Variants in KLF8 observed in about 807,000 individuals in gnomAD.
The protein encoded by KLF8 is KLF transcription factor 8.
KLF8 carries 10 observed loss-of-function variants against 18.2 expected under a neutral mutation model. That is an observed-to-expected ratio of 0.55 (90% CI 0.34 to 0.93). The LOEUF is 0.93. Among genes scored for constraint, KLF8 ranks in the 40% least tolerant of loss-of-function variants. The pLI, the probability that KLF8 is intolerant of heterozygous loss-of-function variation, is 0.02. For synonymous variants in KLF8, 109 were observed against 97.3 expected (o/e 1.12, Z -0.71); for missense variants, 264 against 277.9 (o/e 0.95, Z 0.36).
the KLF8 span, among the ~76,000 whole-genome samples, chrX:56,000,853 A>C: frequency 3.6e-5 from 4 of 111,495 alleles, no homozygotes; most frequent in Non-Finnish European, 7.5e-5. Context: ...AAAAAAAGAC[A>C]TTGTTTCCTT....
At chrX:56,182,024 G>T in the KLF8 span, among the ~76,000 whole-genome samples, 1 of 111,714 alleles carries the variant, frequency 9.0e-6, no homozygotes, top group Non-Finnish European at 1.9e-5. Context: ...CTAGGTTGAG[G>T]AAGTTCTCCT....
the KLF8 span, among the ~76,000 whole-genome samples, chrX:56,128,342 T>G: frequency 8.9e-6 from 1 of 111,823 alleles, no homozygotes; most frequent in African/African-American, 3.3e-5. Context: ...TCAGTTTATC[T>G]TCTACTTTAG....
chrX:56,005,150 C>A, the KLF8 span, among the ~76,000 whole-genome samples: 6 of 110,126 alleles, frequency 5.4e-5, no homozygotes, highest in Non-Finnish European at 1.1e-4. Flanking sequence ...TCAAGCAATT[C>A]TCCTGCCTCA....
the KLF8 span, among the ~76,000 whole-genome samples, chrX:56,075,760 C>G: frequency 5.4e-5 from 6 of 111,642 alleles, no homozygotes; most frequent in African/African-American, 2.0e-4. Context: ...TAAGTGAGAA[C>G]ATGTGATGTT....
chrX:56,257,848 G>A (rs1020847741), intron 2 of KLF8, among the ~76,000 whole-genome samples: 14 of 112,448 alleles, frequency 1.2e-4, no homozygotes, highest in Non-Finnish European at 1.7e-4. Context: ...TTGGTAGAAT[G>A]ATTTATTTTC....
intron 5 of KLF8, among the ~76,000 whole-genome samples, chrX:56,275,776 G>T (rs1176870803): frequency 8.9e-6 from 1 of 112,486 alleles, no homozygotes; most frequent in African/African-American, 3.2e-5. Context: ...CTTTCATTCT[G>T]TTGATATGAT....
At chrX:56,220,130 A>G in the KLF8 span, among the ~76,000 whole-genome samples, 1 of 112,559 alleles carries the variant, frequency 8.9e-6, no homozygotes, top group African/African-American at 3.2e-5. Context: ...TACAAAATGT[A>G]CTTCCTGTGG....
chrX:56,050,114 T>A, the KLF8 span, among the ~76,000 whole-genome samples: 3 of 110,092 alleles, frequency 2.7e-5, no homozygotes, highest in Non-Finnish European at 5.7e-5. Context: ...GGTGGTGATA[T>A]CCCCTTTATC....
chrX:56,227,283 C>T, the KLF8 span, among the ~76,000 whole-genome samples: 1 of 111,606 alleles, frequency 9.0e-6, no homozygotes, highest in Admixed American at 9.5e-5. Flanking sequence ...AGTTCCTGTT[C>T]TATTTATGCA....
chrX:56,146,201 C>G, the KLF8 span, among the ~76,000 whole-genome samples: 3 of 111,897 alleles, frequency 2.7e-5, no homozygotes, highest in Non-Finnish European at 5.6e-5. Flanking sequence ...ACCCAGCAAT[C>G]CCATTACTGG....
chrX:56,050,941 T>C, the KLF8 span, among the ~76,000 whole-genome samples: 1 of 109,497 alleles, frequency 9.1e-6, no homozygotes, highest in African/African-American at 3.3e-5. Context: ...GCTTTATGAA[T>C]CTTGGTGCTC....
At chrX:55,989,311 C>T in the KLF8 span, among the ~76,000 whole-genome samples, 5 of 112,081 alleles carry the variant, frequency 4.5e-5, no homozygotes, top group African/African-American at 1.3e-4. Flanking sequence ...CCAGTTTTTG[C>T]CCTTTCAGTA....
At chrX:56,164,873 G>A in the KLF8 span, among the ~76,000 whole-genome samples, 1 of 89,360 alleles carries the variant, frequency 1.1e-5, no homozygotes, top group African/African-American at 4.1e-5. Context: ...TCTAGCATTA[G>A]GTATATCTCC....
chrX:56,207,973 C>T, the KLF8 span, among the ~76,000 whole-genome samples: 2 of 110,963 alleles, frequency 1.8e-5, no homozygotes, highest in African/African-American at 3.3e-5. Context: ...AGCAAAGTCA[C>T]GTCTTACATC....
the KLF8 span, among the ~76,000 whole-genome samples, chrX:56,109,769 C>T: frequency 1.8e-5 from 2 of 108,883 alleles, no homozygotes. Context: ...TTTTCCCTTT[C>T]TTATTTTCTT....
chrX:56,208,171 G>A, the KLF8 span, among the ~76,000 whole-genome samples: 3 of 111,502 alleles, frequency 2.7e-5, no homozygotes, highest in African/African-American at 6.5e-5. Flanking sequence ...TGAAGACACA[G>A]CTAAACCATA....
the KLF8 span, among the ~76,000 whole-genome samples, chrX:56,145,389 T>G: frequency 3.4e-4 from 38 of 112,106 alleles, no homozygotes; most frequent in African/African-American, 1.2e-3. Flanking sequence ...TGGAAAACTG[T>G]GGAAAATAGT....
At chrX:56,123,117 G>A in the KLF8 span, among the ~76,000 whole-genome samples, 1 of 110,117 alleles carries the variant, frequency 9.1e-6, no homozygotes, top group Admixed American at 9.8e-5. Context: ...GGAGAACAAG[G>A]ATTCTAGAAT....
At chrX:56,068,493 T>A in the KLF8 span, among the ~76,000 whole-genome samples, 1 of 112,127 alleles carries the variant, frequency 8.9e-6, no homozygotes, top group East Asian at 2.8e-4. Flanking sequence ...CTGTGTGAAC[T>A]CAGCTGGAGC....
Sources: allele counts gnomAD v4.1 joint callset (sites outside exome capture counted in the v4.1 genomes callset), GRCh38; gene constraint gnomAD v4.1.1; transcripts MANE v1.5; gene names NCBI Gene and HGNC (gene_info 2026-07-23, HGNC 2026-07-21).